The following PCDHGA10 variants were observed in gnomAD, a reference collection of about 807,000 sequenced individuals.
PCDHGA10 encodes protocadherin gamma-A10.
PCDHGA10 carries 42 observed loss-of-function variants against 59.5 expected under a neutral mutation model. The observed-to-expected ratio is 0.71, with a 90% CI of 0.55 to 0.91. PCDHGA10 has a LOEUF of 0.91. Among genes scored for constraint, PCDHGA10 ranks in the 40% least tolerant of loss-of-function variants. The pLI, the probability that PCDHGA10 is intolerant of heterozygous loss-of-function variation, is 0.00. For missense variants in PCDHGA10, 1,111 were observed against 1,198.2 expected (o/e 0.93, Z 1.07); for synonymous variants, 511 against 517.2 (o/e 0.99, Z 0.16).
At chr5:141,475,992 C>A in intron 1 of PCDHGA10, 1 of 1,158,844 alleles carries the variant, frequency 8.6e-7, no homozygotes, top group Non-Finnish European at 1.2e-6. Context: ...GCGAGCAAAT[C>A]AACGGCATCC....
In PCDHGA10 at chr5:141,415,213, G is replaced by A. The variant is rs750613524; in HGVS notation, c.2038G>A (p.Gly680Ser). The change falls in exon 1 of 4, where the codon GGC becomes AGC. Residue 680 changes from glycine to serine, a missense_variant. By Grantham distance (56) the Gly-to-Ser change is moderately conservative (BLOSUM62 0). Coordinates refer to ENST00000398610, the MANE Select transcript of PCDHGA10 (RefSeq NM_018913.3). ...DSIPQVLADL[G>S]SFESPANSET... ...CATCCCCCAAGTCCTGGCGGACCTC[G>A]GCAGCTTCGAGTCTCCAGCTAACTC... 1.9e-6 allele frequency: 3 copies of A among 1,614,074 alleles called. No individual in the cohort carries two copies. In the East Asian group the frequency reaches 6.7e-5, roughly 36 times the overall value.
At position 141,414,210 on chromosome 5, in the gene PCDHGA10, T is replaced by C. The variant is rs1252033650; in HGVS notation, c.1035T>C (p.Asn345=). 1 of 1,612,706 alleles carries C rather than the reference T, an allele frequency of 6.2e-7. No homozygotes were observed. Among genetic ancestry groups the C allele is most frequent in the East Asian group, 2.2e-5 (1 of 44,812 alleles). ...AKVLITVEDV[N]DNSPELTITS... ...TGTTGATTACAGTAGAAGATGTAAATGACAACAGTCCAGAGCTGACCATCA... is the reference window on the plus strand; with the variant it reads ...TGTTGATTACAGTAGAAGATGTAAACGACAACAGTCCAGAGCTGACCATCA... The change falls in exon 1 of 4, where the codon AAT becomes AAC. Residue 345 remains asparagine, a synonymous_variant. Transcript: ENST00000398610.
intron 1 of PCDHGA10, chr5:141,418,614 G>C: frequency 1.2e-6 from 2 of 1,613,994 alleles, no homozygotes; most frequent in Non-Finnish European, 1.7e-6. Flanking sequence ...GTTAGCCTTC[G>C]GGAAGACGTG....
Position 141,477,818 on chromosome 5 carries a change from C to T in PCDHGA10, c.2437-16989C>T, listed in dbSNP as rs202009040. 33 of 1,614,040 alleles carry T rather than the reference C, an allele frequency of 2.0e-5. No homozygotes were observed. The highest frequency in any genetic ancestry group is 1.3e-4 in the Admixed American group (8 of 60,006). On this transcript the variant is annotated intron_variant, in intron 1 of 3. Transcript: ENST00000398610. This position sits in a 1 kb window ranked among gnomAD's most constrained non-coding sequence, Gnocchi z 4.9. ...TCGCAATGACAATGCCCCCCAGGTCCTATATCCTCGGCCAGGTGGGAGCTC... is the reference window on the plus strand; with the variant it reads ...TCGCAATGACAATGCCCCCCAGGTCTTATATCCTCGGCCAGGTGGGAGCTC...
rs371619613 is a variant in PCDHGA10 at position 141,444,258 on chromosome 5, G to A, written c.2436+28647G>A. The stretch of plus-strand genomic sequence containing the variant: ...ATGCTCTCGGCTCACTGCAACCTCC[G>A]CCTCCCAGGTTCAAGTGATTCTCCT... On this transcript the variant is annotated intron_variant, in intron 1 of 3. Coordinates refer to ENST00000398610, the MANE Select transcript of PCDHGA10 (RefSeq NM_018913.3). 1.3e-4 allele frequency among the ~76,000 whole-genome samples: 16 copies of A among 127,752 alleles called. No homozygotes were observed. The South Asian group carries it at 2.7e-3, about 21-fold the overall frequency. The allele number at this position is 127,752 out of a possible 152,430, so 83.8% of individuals were successfully genotyped here.
chr5:141,487,667 A>G lies in PCDHGA10; in HGVS notation c.2437-7140A>G, dbSNP rs2099657916. ...GCTTGAGGGTTATTCTGATCCAGGC[A>G]TATGGCTAGGCCATGTCCTAGAGAG... On this transcript the variant is annotated intron_variant, in intron 1 of 3. Transcript: ENST00000398610. This position sits in a 1 kb window ranked among gnomAD's most constrained non-coding sequence, Gnocchi z 5.0. 6.2e-7 allele frequency: 1 copy of G among 1,612,782 alleles called. No individual in the cohort carries two copies. The highest frequency in any genetic ancestry group is 1.1e-5 in the South Asian group (1 of 90,692).
Position 141,489,391 on chromosome 5 carries a change from G to C in PCDHGA10, c.2437-5416G>C. 6.2e-7 allele frequency: 1 copy of C among 1,614,174 alleles called. No individual in the cohort carries two copies. The highest frequency in any genetic ancestry group is 8.5e-7 in the Non-Finnish European group (1 of 1,180,022). ...GACGCTGGTGGGGAATGTTGCTCAG[G>C]ATCTGGGCTTAAAGATGACAGATCT... On this transcript the variant is annotated intron_variant, in intron 1 of 3. Transcript: ENST00000398610. This position sits in a 1 kb window ranked among gnomAD's most constrained non-coding sequence, Gnocchi z 4.5.
chr5:141,484,697 T>C (rs746981788), intron 1 of PCDHGA10, among the ~76,000 whole-genome samples: 11 of 151,988 alleles, frequency 7.2e-5, no homozygotes, highest in Non-Finnish European at 1.3e-4. Context: ...AGGCTGTGGC[T>C]GTTTTCCCCG....
In PCDHGA10 at chr5:141,414,421, A is replaced by G. The variant is rs1250470349; in HGVS notation, c.1246A>G (p.Arg416Gly). Residue 416 changes from arginine to glycine, a missense_variant, in exon 1 of 4, where the codon AGG becomes GGG. Coordinates refer to ENST00000398610, the MANE Select transcript of PCDHGA10 (RefSeq NM_018913.3). ...YRLVIHRALD[R>G]EQVSSYNITV... ...ATTGGTGATACACAGAGCCCTTGAC[A>G]GGGAACAGGTATCCTCTTACAATAT... The G allele has an allele frequency of 6.2e-7, 1 of 1,613,776 alleles. No homozygotes were observed. The highest frequency in any genetic ancestry group is 1.3e-5 in the African/African-American group (1 of 74,924).
chr5:141,418,348 T>G (rs2096249125), intron 1 of PCDHGA10: 1 of 1,613,982 alleles, frequency 6.2e-7, no homozygotes, highest in African/African-American at 1.3e-5. Flanking sequence ...CTGATATTAG[T>G]ATGAATTCGC....
In PCDHGA10 at chr5:141,438,327, A is replaced by G. The variant is rs369043587; in HGVS notation, c.2436+22716A>G. 1.5e-4 allele frequency among the ~76,000 whole-genome samples: 23 copies of G among 152,106 alleles called. No homozygotes were observed. The East Asian group carries it at 4.1e-3, about 27-fold the overall frequency. ...TTGGTACCACCATAATTTTTCTTAT[A>G]CATGTCATATAAGGATCTACTCTGT... On this transcript the variant is annotated intron_variant, in intron 1 of 3. Transcript: ENST00000398610.
At position 141,489,099 on chromosome 5, in the gene PCDHGA10, G is replaced by C; in HGVS notation, c.2437-5708G>C. 5.5e-6 allele frequency: 2 copies of C among 361,982 alleles called. No homozygotes were observed. The highest frequency in any genetic ancestry group is 5.0e-5 in the South Asian group (1 of 19,862). 22.4% of individuals were successfully genotyped at this position (361,982 alleles called of 1,614,324 possible). On this transcript the variant is annotated intron_variant, in intron 1 of 3. Coordinates refer to ENST00000398610, the MANE Select transcript of PCDHGA10 (RefSeq NM_018913.3). The surrounding 1 kb of genome is among the most constrained non-coding windows in gnomAD (Gnocchi z 4.5). Reference sequence around the variant, plus strand: ...CCCCGCCACTCGGTGACTAAGAACTGCTGCAAGCAGGCAAACCTCCGAGCA... The same window carrying C: ...CCCCGCCACTCGGTGACTAAGAACTCCTGCAAGCAGGCAAACCTCCGAGCA...
chr5:141,441,768 T>C, intron 1 of PCDHGA10: 1 of 387,074 alleles, frequency 2.6e-6, no homozygotes. Context: ...CCTGCGCGTG[T>C]TGGTGGACGA....
At chr5:141,456,312 G>A (rs1036961015) in intron 1 of PCDHGA10, among the ~76,000 whole-genome samples, 2 of 152,126 alleles carry the variant, frequency 1.3e-5, no homozygotes, top group African/African-American at 4.8e-5. Flanking sequence ...AGCAGCTAGG[G>A]CTCCTCCTGG....
rs1301352900 is a variant in PCDHGA10, at chr5:141,491,765, A to T, written c.2437-3042A>T. ...GGCACTGGAGAAGCCGCCCGTCCTC[A>T]TAAGGGATTGAACTTGCATCCACTC... On this transcript the variant is annotated intron_variant, in intron 1 of 3. Transcript: ENST00000398610. The surrounding 1 kb of genome is among the most constrained non-coding windows in gnomAD (Gnocchi z 6.9). 1.3e-6 allele frequency: 2 copies of T among 1,569,228 alleles called. No individual in the cohort carries two copies. Among genetic ancestry groups the T allele is most frequent in the Non-Finnish European group, 1.7e-6 (2 of 1,158,736 alleles).
Position 141,431,240 on chromosome 5 carries a change from G to A in PCDHGA10, c.2436+15629G>A, listed in dbSNP as rs1402814836. 6 of 1,614,044 alleles carry A rather than the reference G, an allele frequency of 3.7e-6. No individual in the cohort carries two copies. Among genetic ancestry groups the A allele is most frequent in the Non-Finnish European group, 5.1e-6 (6 of 1,180,056 alleles). On this transcript the variant is annotated intron_variant, in intron 1 of 3. Coordinates refer to ENST00000398610, the MANE Select transcript of PCDHGA10 (RefSeq NM_018913.3). The surrounding 1 kb of genome is among the most constrained non-coding windows in gnomAD (Gnocchi z 4.8). Reference sequence around the variant, plus strand: ...CCCTCTACCCCACGCCTGGGATCCGGATATCGGGAAGAACTCTCTGCAGAG... The same window carrying A: ...CCCTCTACCCCACGCCTGGGATCCGAATATCGGGAAGAACTCTCTGCAGAG...
intron 1 of PCDHGA10, among the ~76,000 whole-genome samples, chr5:141,483,638 G>A (rs1159840764): frequency 1.4e-5 from 2 of 147,222 alleles, no homozygotes; most frequent in South Asian, 2.1e-4. Flanking sequence ...AGGTATAGAG[G>A]GGTGTGTGTT....
intron 3 of PCDHGA10, among the ~76,000 whole-genome samples, chr5:141,509,620 C>G (rs1321910971): frequency 6.6e-6 from 1 of 152,188 alleles, no homozygotes; most frequent in African/African-American, 2.4e-5. Context: ...TAAACAAGTT[C>G]CTGGGTGATG....
intron 1 of PCDHGA10, chr5:141,478,446 G>A: frequency 6.2e-7 from 1 of 1,613,520 alleles, no homozygotes; most frequent in Non-Finnish European, 8.5e-7. Flanking sequence ...AAGAAACCTG[G>A]TGCAGCCAGT....
Sources: allele counts gnomAD v4.1 joint callset (sites outside exome capture counted in the v4.1 genomes callset), GRCh38; gene constraint gnomAD v4.1.1; non-coding constraint Gnocchi (gnomAD v3.1); transcripts MANE v1.5; gene names NCBI Gene and HGNC (gene_info 2026-07-23, HGNC 2026-07-21).